The following CACNA2D4 variants were observed in gnomAD, a reference collection of about 807,000 sequenced individuals.
The protein encoded by CACNA2D4 is calcium voltage-gated channel auxiliary subunit alpha2delta 4.
CACNA2D4 carries 157 observed loss-of-function variants against 163.8 expected under a neutral mutation model. The ratio of observed to expected loss-of-function variants is 0.96; its 90% CI spans 0.84 to 1.09. The LOEUF is 1.09. Ranked by LOEUF, CACNA2D4 falls within the 50% of genes least tolerant of loss-of-function variation. CACNA2D4 has a pLI of 0.00. For missense variants in CACNA2D4, 1,410 were observed against 1,479.9 expected (o/e 0.95, Z 0.78); for synonymous variants, 598 against 586.9 (o/e 1.02, Z -0.27).
intron 26 of CACNA2D4, among the ~76,000 whole-genome samples, chr12:1,816,187 C>T (rs141056505): frequency 4.9e-4 from 75 of 152,312 alleles, no homozygotes; most frequent in Middle Eastern, 3.4e-3. Context: ...CTCCTGCTAG[C>T]CAGCTGTGTG....
rs1246716265 is a variant in CACNA2D4 at position 1,884,262 on chromosome 12, C to T, written c.1332G>A (p.Trp444Ter). ...REVSFADRMK[W>*]IACNNKGYYT... ...ACTCACCTTTGTTGTTGCATGCAAT[C>T]CACTTCATGCGGTCAGCAAAAGACA... The change falls in exon 12 of 38, where the codon TGG becomes TGA. Residue 444 changes from tryptophan to a stop codon, truncating the protein, a stop_gained. Coordinates refer to ENST00000382722, the MANE Select transcript of CACNA2D4 (RefSeq NM_172364.5). LOFTEE classifies it high-confidence loss of function. 6.2e-7 allele frequency: 1 copy of T among 1,612,288 alleles called. No homozygotes were observed. The highest frequency in any genetic ancestry group is 8.5e-7 in the Non-Finnish European group (1 of 1,179,406).
At chr12:1,846,735 A>G in intron 23 of CACNA2D4, 46 bp from the exon 24 acceptor site, 1 of 1,492,058 alleles carries the variant, frequency 6.7e-7, no homozygotes, top group Non-Finnish European at 9.1e-7. Flanking sequence ...GGCTGTGGCA[A>G]GAGCTTGGGG....
intron 6 of CACNA2D4, among the ~76,000 whole-genome samples, chr12:1,895,592 T>G (rs184534836): frequency 6.5e-4 from 99 of 152,172 alleles, no homozygotes; most frequent in African/African-American, 2.1e-3. Context: ...AATAAATCCA[T>G]ATATTTAGAG....
At chr12:1,804,798 A>G (rs77915163) in intron 29 of CACNA2D4, among the ~76,000 whole-genome samples, 1 of 152,242 alleles carries the variant, frequency 6.6e-6, no homozygotes, top group Non-Finnish European at 1.5e-5. Flanking sequence ...CCCTCCAGCT[A>G]TGCTGGGATC....
intron 6 of CACNA2D4, among the ~76,000 whole-genome samples, chr12:1,907,012 C>T (rs1261386840): frequency 6.6e-6 from 1 of 152,268 alleles, no homozygotes; most frequent in East Asian, 1.9e-4. Context: ...TTGATGGACT[C>T]TATTAAGTTG....
Position 1,820,123 on chromosome 12 carries a change from G to A in CACNA2D4, c.2552-8400C>T, listed in dbSNP as rs961814363. 3.3e-5 allele frequency: 5 copies of A among 152,358 alleles called. No homozygotes were observed. The highest frequency in any genetic ancestry group is 1.2e-4 in the African/African-American group (5 of 41,578). 9.4% of individuals were successfully genotyped at this position (152,358 alleles called of 1,614,324 possible). ...TCGCATGTCTCTAAAACAGGAGAAA[G>A]ACCAGCTTCCCAGGGGGGCCTCCAT... is the stretch of plus-strand genomic sequence containing the variant. On this transcript the variant is annotated intron_variant, in intron 26 of 37. Transcript: ENST00000382722. The surrounding 1 kb of genome is among the most constrained non-coding windows in gnomAD (Gnocchi z 6.0).
chr12:1,860,617 G>A (rs565050437), intron 18 of CACNA2D4, among the ~76,000 whole-genome samples: 22 of 152,330 alleles, frequency 1.4e-4, no homozygotes, highest in African/African-American at 1.9e-4. Context: ...GTTCCTAGAG[G>A]GTTGAGGTTG....
intron 4 of CACNA2D4, among the ~76,000 whole-genome samples, chr12:1,909,293 G>A (rs1327923800): frequency 1.3e-5 from 2 of 152,218 alleles, no homozygotes; most frequent in Admixed American, 6.5e-5. Context: ...CCGGGTTCAC[G>A]CCATTCTCCT....
chr12:1,812,876 G>A (rs557669511), intron 26 of CACNA2D4, among the ~76,000 whole-genome samples: 32 of 152,292 alleles, frequency 2.1e-4, no homozygotes, highest in African/African-American at 7.7e-4. Context: ...GAACGGATGT[G>A]GCTTCTTAAC....
At chr12:1,890,198 GA>G (rs1430815531) in intron 6 of CACNA2D4, among the ~76,000 whole-genome samples, 1 of 152,168 alleles carries the variant, frequency 6.6e-6, no homozygotes. Context: ...GAGCCTGGGT[GA>G]GGGCATTGCT....
At chr12:1,815,910 T>C (rs2154446062) in intron 26 of CACNA2D4, among the ~76,000 whole-genome samples, 1 of 152,332 alleles carries the variant, frequency 6.6e-6, no homozygotes, top group Middle Eastern at 3.4e-3. Context: ...CTATAAGATG[T>C]TGAAGACAAG....
intron 26 of CACNA2D4, among the ~76,000 whole-genome samples, chr12:1,817,405 C>T (rs953422121): frequency 6.6e-5 from 10 of 152,176 alleles, no homozygotes; most frequent in Admixed American, 1.3e-4. Flanking sequence ...CTGAAGGACA[C>T]GGAACAGGTG....
intron 16 of CACNA2D4, among the ~76,000 whole-genome samples, chr12:1,877,618 G>A (rs571950702): frequency 3.9e-5 from 6 of 152,186 alleles, no homozygotes; most frequent in Non-Finnish European, 7.3e-5. Context: ...TAAGTTCTCC[G>A]GAAGGTGCTC....
Position 1,883,005 on chromosome 12 carries a change from G to A in CACNA2D4, c.1352-5C>T, listed in dbSNP as rs375836779. On this transcript the variant is annotated splice_polypyrimidine_tract_variant and splice_region_variant and intron_variant, in intron 12 of 37. Transcript: ENST00000382722. This position sits in a 1 kb window ranked among gnomAD's most constrained non-coding sequence, Gnocchi z 4.5. ...TTGAGATCTGCGTGTAGTAGCCTGC[G>A]GTGGGGAAGGCCGCGTGGGTGTGGA... 5.8e-5 allele frequency: 94 copies of A among 1,611,504 alleles called. No individual in the cohort carries two copies. Among genetic ancestry groups the A allele is most frequent in the Non-Finnish European group, 7.0e-5 (82 of 1,178,968 alleles).
chr12:1,850,906 G>A (rs114154622), intron 23 of CACNA2D4, among the ~76,000 whole-genome samples: 2,000 of 151,682 alleles, frequency 0.013, 65 homozygotes, highest in African/African-American at 0.044. Flanking sequence ...AAAAATAGAT[G>A]AGGTCTTGCT....
chr12:1,848,544 T>C (rs1865204251), intron 23 of CACNA2D4, among the ~76,000 whole-genome samples: 1 of 152,206 alleles, frequency 6.6e-6, no homozygotes, highest in Non-Finnish European at 1.5e-5. Flanking sequence ...GAAATATCTG[T>C]ATAAGGAAAA....
chr12:1,909,133 A>T (rs533190382), intron 4 of CACNA2D4, among the ~76,000 whole-genome samples: 43 of 152,340 alleles, frequency 2.8e-4, no homozygotes, highest in Non-Finnish European at 5.6e-4. Context: ...GCCTCTGGAC[A>T]CACAGGGCCC....
At chr12:1,887,275 A>T (rs900379073) in intron 6 of CACNA2D4, among the ~76,000 whole-genome samples, 13 of 152,334 alleles carry the variant, frequency 8.5e-5, no homozygotes, top group African/African-American at 3.1e-4. Flanking sequence ...CCAGATGCAG[A>T]GCTGGGGGTA....
chr12:1,865,952 C>G (rs560768152), intron 18 of CACNA2D4, among the ~76,000 whole-genome samples: 2 of 152,226 alleles, frequency 1.3e-5, no homozygotes, highest in African/African-American at 2.4e-5. Context: ...ATAATTTTGT[C>G]CCTGAATGAA....
Sources: gnomAD v4.1 joint callset for allele counts (sites outside exome capture counted in the v4.1 genomes callset) on GRCh38, gnomAD v4.1.1 for gene constraint, Gnocchi (gnomAD v3.1) non-coding constraint, MANE v1.5 for transcripts, NCBI Gene and HGNC (gene_info 2026-07-23, HGNC 2026-07-21) for gene names.